The following ATP2C2 variants were observed in gnomAD, a reference collection of about 807,000 sequenced individuals.
The protein encoded by ATP2C2 is calcium-transporting ATPase type 2C member 2.
In ATP2C2, 171 loss-of-function variants were observed where a neutral mutation model predicts 110.8. The ratio of observed to expected loss-of-function variants is 1.54; its 90% CI spans 1.36 to 1.75. The LOEUF (loss-of-function observed/expected upper bound fraction) is 1.75. ATP2C2 is among the 40% of genes most tolerant of loss of function. The pLI, the probability that ATP2C2 is intolerant of heterozygous loss-of-function variation, is 0.00. For synonymous variants in ATP2C2, 804 were observed against 508.4 expected (o/e 1.58, Z -7.82); for missense variants, 1,963 against 1,235.0 (o/e 1.59, Z -8.84).
In ATP2C2 at chr16:84,423,169, A is replaced by G; in HGVS notation, c.844-19A>G. 1.2e-6 allele frequency: 2 copies of G among 1,611,044 alleles called. No individual in the cohort carries two copies. Among genetic ancestry groups the G allele is most frequent in the South Asian group, 2.2e-5 (2 of 90,944 alleles). Reference sequence around the variant, plus strand: ...AGCTAGGATCTTGTCCAACTAACCCATTGTGCTCACCCTTTCAGACACCTA... The same window carrying G: ...AGCTAGGATCTTGTCCAACTAACCCGTTGTGCTCACCCTTTCAGACACCTA... On this transcript the variant is annotated intron_variant, in intron 9 of 26. Coordinates refer to ENST00000262429, the MANE Select transcript of ATP2C2 (RefSeq NM_014861.4).
Position 84,463,515 on chromosome 16 carries a change from CCT to C in ATP2C2, c.2723-95_2723-94del, listed in dbSNP as rs1381664767. On this transcript the variant is annotated intron_variant, in intron 26 of 26. Coordinates refer to ENST00000262429, the MANE Select transcript of ATP2C2 (RefSeq NM_014861.4). ...GAATGAAAAGGGCTGGTCCTCCGCA[CCT>C]CTCACTTTATCAGGAGGACTGGCAG... The C allele has an allele frequency of 1.2e-5, 12 of 994,600 alleles. No homozygotes were observed. The African/African-American group carries it at 1.6e-4, about 13-fold the overall frequency. 61.6% of individuals were successfully genotyped at this position (994,600 alleles called of 1,614,324 possible). A position where few individuals can be genotyped will look rare whatever the true frequency, so the allele number is the denominator to read the frequency against.
intron 15 of ATP2C2, among the ~76,000 whole-genome samples, 158 bp downstream of exon 15, chr16:84,442,757 G>C (rs913277410): frequency 2.6e-5 from 4 of 151,862 alleles, no homozygotes; most frequent in Non-Finnish European, 5.9e-5. Flanking sequence ...GTTGGTGGTG[G>C]AGGAGGTGAG....
At chr16:84,459,039 C>A in intron 21 of ATP2C2, 81 bp from the exon 22 acceptor site, 1 of 1,476,150 alleles carries the variant, frequency 6.8e-7, no homozygotes, top group Non-Finnish European at 9.5e-7. Flanking sequence ...CGAGTCACCA[C>A]TGCCCCTTGC....
intron 6 of ATP2C2, among the ~76,000 whole-genome samples, chr16:84,413,914 T>C (rs1304016502): frequency 6.6e-6 from 1 of 152,168 alleles, no homozygotes; most frequent in Non-Finnish European, 1.5e-5. Flanking sequence ...GCCTCGGCCT[T>C]TGGGGACCTC....
chr16:84,460,866 G>GTCCCTGCCC (rs1228382093), intron 24 of ATP2C2, 65 bp downstream of exon 24: 1 of 1,517,546 alleles, frequency 6.6e-7, no homozygotes, highest in Non-Finnish European at 8.9e-7. Flanking sequence ...GGGGACTGCA[G>GTCCCTGCCC]TCCCTGCCCT....
rs570668144 is a variant in ATP2C2, at chr16:84,431,557, G to A, written c.986+5756G>A. On this transcript the variant is annotated intron_variant, in intron 11 of 26. Transcript: ENST00000262429. ...GAAGAGGTGGCCAGGGAGGGTTATG[G>A]GTAGAGAGTTGAGGAGTCAGGAGAT... is the stretch of plus-strand genomic sequence containing the variant. Among the ~76,000 whole-genome samples the A allele has an allele frequency of 6.6e-5, 10 of 152,140 alleles. No individual in the cohort carries two copies. The South Asian group carries it at 1.9e-3, about 29-fold the overall frequency.
At chr16:84,433,469 A>T (rs1406899297) in intron 11 of ATP2C2, among the ~76,000 whole-genome samples, 2 of 152,102 alleles carry the variant, frequency 1.3e-5, no homozygotes, top group African/African-American at 2.4e-5. Context: ...CCTGGCCAAA[A>T]CAGTGAAACC....
chr16:84,460,426 C>T (rs780892487), intron 23 of ATP2C2: 22 of 621,084 alleles, frequency 3.5e-5, no homozygotes, highest in South Asian at 1.3e-4. Context: ...GGTGGTCTTC[C>T]TTCACTGTCT....
chr16:84,425,171 A>G (rs1303210445), intron 10 of ATP2C2, among the ~76,000 whole-genome samples: 2 of 152,212 alleles, frequency 1.3e-5, no homozygotes, highest in African/African-American at 2.4e-5. Context: ...TTCTTTAGCA[A>G]GCTCTCCAAG....
intron 1 of ATP2C2, among the ~76,000 whole-genome samples, chr16:84,380,279 A>T (rs1910498383): frequency 6.6e-6 from 1 of 152,042 alleles, no homozygotes; most frequent in Non-Finnish European, 1.5e-5. Flanking sequence ...TTTTGCCTTC[A>T]CTTATTATTG....
intron 9 of ATP2C2, 136 bp downstream of exon 9, chr16:84,422,833 ATT>A: frequency 7.1e-6 from 6 of 848,126 alleles, no homozygotes; most frequent in Non-Finnish European, 1.0e-5. Flanking sequence ...TAAACATTTA[ATT>A]TTTTTTTTTA....
At chr16:84,461,322 G>A (rs926273015) in intron 24 of ATP2C2, 21 of 309,910 alleles carry the variant, frequency 6.8e-5, no homozygotes, top group African/African-American at 1.1e-4. Flanking sequence ...GACCCTGGCC[G>A]GGTACCCTGC....
intron 1 of ATP2C2, among the ~76,000 whole-genome samples, chr16:84,374,192 G>A (rs905331147): frequency 5.9e-5 from 9 of 151,786 alleles, no homozygotes; most frequent in Non-Finnish European, 1.2e-4. Context: ...TGCTTGTGAC[G>A]TGACTACACT....
chr16:84,390,203 G>T (rs768913630), intron 1 of ATP2C2, among the ~76,000 whole-genome samples: 10 of 152,236 alleles, frequency 6.6e-5, no homozygotes, highest in Non-Finnish European at 1.2e-4. Flanking sequence ...GTCCAAGTTC[G>T]CAATGAACCG....
chr16:84,449,689 G>A (rs111317939), intron 17 of ATP2C2, among the ~76,000 whole-genome samples: 15 of 152,194 alleles, frequency 9.9e-5, no homozygotes, highest in African/African-American at 3.4e-4. Flanking sequence ...CACCAGCGAC[G>A]GGGCTGTGGC....
rs146576942 is a variant in ATP2C2 at position 84,416,721 on chromosome 16, T to C, written c.624+1130T>C. On this transcript the variant is annotated intron_variant, in intron 7 of 26. Transcript: ENST00000262429. ...GGGTTCGCCCTCGGGCTCAGGCTGG[T>C]GCCCTCTGTAGCACCAGATACAGAT... 2.2e-3 allele frequency among the ~76,000 whole-genome samples: 333 copies of C among 152,240 alleles called. 3 individuals are homozygous for C. Among genetic ancestry groups the C allele is most frequent in the African/African-American group, 7.7e-3 (319 of 41,544 alleles).
chr16:84,389,835 C>G (rs1051809240), intron 1 of ATP2C2, among the ~76,000 whole-genome samples: 1 of 152,014 alleles, frequency 6.6e-6, no homozygotes, highest in South Asian at 2.1e-4. Flanking sequence ...GTTCTCCTGC[C>G]TCAGCCTCCC....
intron 11 of ATP2C2, among the ~76,000 whole-genome samples, chr16:84,428,503 A>T (rs1008533915): frequency 1.1e-4 from 17 of 152,224 alleles, no homozygotes; most frequent in African/African-American, 4.1e-4. Context: ...CACTCAGTGT[A>T]TTTAACAAAC....
intron 1 of ATP2C2, among the ~76,000 whole-genome samples, chr16:84,391,707 A>G (rs1457723279): frequency 2.0e-5 from 3 of 152,214 alleles, no homozygotes; most frequent in African/African-American, 4.8e-5. Flanking sequence ...TGGCCCTGCC[A>G]GCATCTTGGT....
Sources: gnomAD v4.1 joint callset for allele counts (sites outside exome capture counted in the v4.1 genomes callset) on GRCh38, gnomAD v4.1.1 for gene constraint, MANE v1.5 for transcripts, NCBI Gene and HGNC (gene_info 2026-07-23, HGNC 2026-07-21) for gene names.